RBPMS: variants seen among roughly 807,000 people sequenced by gnomAD.
The protein encoded by RBPMS is RNA-binding protein with multiple splicing.
RBPMS carries 7 observed loss-of-function variants against 26.8 expected under a neutral mutation model. The observed-to-expected ratio is 0.26, with a 90% CI of 0.15 to 0.49. The LOEUF is 0.49. Ranked by LOEUF, RBPMS falls within the 20% of genes least tolerant of loss-of-function variation. The pLI, the probability that RBPMS is intolerant of heterozygous loss-of-function variation, is 0.98. For missense variants in RBPMS, 186 were observed against 250.0 expected (o/e 0.74, Z 1.73); for synonymous variants, 96 against 93.3 (o/e 1.03, Z -0.17).
At chr8:30,523,412 C>A (rs1159958419) in intron 5 of RBPMS, among the ~76,000 whole-genome samples, 1 of 151,222 alleles carries the variant, frequency 6.6e-6, no homozygotes, top group Non-Finnish European at 1.5e-5. Flanking sequence ...TGATGAATTT[C>A]CTGTTTTGTT....
intron 3 of RBPMS, among the ~76,000 whole-genome samples, chr8:30,479,034 T>G (rs1336033420): frequency 6.6e-6 from 1 of 152,228 alleles, no homozygotes; most frequent in African/African-American, 2.4e-5. Context: ...CTCTATTCCC[T>G]TGTTCACTGC....
chr8:30,485,236 G>A (rs753593843), intron 4 of RBPMS, among the ~76,000 whole-genome samples: 2 of 152,196 alleles, frequency 1.3e-5, no homozygotes, highest in Non-Finnish European at 2.9e-5. Context: ...TATTTGTACA[G>A]CTTGTGAGTT....
intron 3 of RBPMS, 89 bp from the exon 4 acceptor site, chr8:30,479,226 C>T: frequency 1.1e-6 from 1 of 933,788 alleles, no homozygotes; most frequent in South Asian, 1.4e-5. Context: ...ATTTCTTTAT[C>T]TTAGCTCTTC....
chr8:30,530,830 A>C (rs1002782685), intron 5 of RBPMS, among the ~76,000 whole-genome samples: 1 of 152,132 alleles, frequency 6.6e-6, no homozygotes, highest in Non-Finnish European at 1.5e-5. Flanking sequence ...AGGTACTACT[A>C]CTACTATTCC....
intron 6 of RBPMS, 26 bp from the exon 7 acceptor site, chr8:30,558,861 C>G (rs1439602938): frequency 1.2e-6 from 2 of 1,607,770 alleles, no homozygotes; most frequent in East Asian, 4.5e-5. Context: ...AGCCCTGGCT[C>G]ACGGCCTTCT....
chr8:30,549,772 T>TCTCTCTCTCTCTCTCTC (rs1554543821), intron 6 of RBPMS, among the ~76,000 whole-genome samples: 1 of 71,210 alleles, frequency 1.4e-5, no homozygotes, highest in African/African-American at 7.5e-5. Flanking sequence ...TTTTCTTTTC[T>TCTCTCTCTCTCTCTCTC]TCTCTCTCTC....
chr8:30,431,338 CTTTT>C (rs928888467), intron 1 of RBPMS, among the ~76,000 whole-genome samples: 1 of 140,758 alleles, frequency 7.1e-6, no homozygotes, highest in South Asian at 2.2e-4. Flanking sequence ...TCCTTTCTTT[CTTTT>C]CTTTTTTTTT....
intron 4 of RBPMS, among the ~76,000 whole-genome samples, chr8:30,493,137 C>T (rs1240585120): frequency 6.6e-6 from 1 of 152,188 alleles, no homozygotes; most frequent in Non-Finnish European, 1.5e-5. Context: ...CGACATCAGA[C>T]TGGAATGTCT....
chr8:30,411,653 AC>A (rs1399158389), intron 1 of RBPMS, among the ~76,000 whole-genome samples: 1 of 119,892 alleles, frequency 8.3e-6, no homozygotes, highest in Non-Finnish European at 1.6e-5. Context: ...TGACAGCAAG[AC>A]CCTGTCTCAG....
At chr8:30,523,541 G>A (rs1013298627) in intron 5 of RBPMS, among the ~76,000 whole-genome samples, 1 of 150,894 alleles carries the variant, frequency 6.6e-6, no homozygotes, top group African/African-American at 2.4e-5. Context: ...TTCATTTGGA[G>A]TATCATTTGA....
intron 6 of RBPMS, among the ~76,000 whole-genome samples, chr8:30,549,755 T>TTTTCTTTC (rs1826155928): frequency 1.5e-5 from 2 of 129,506 alleles, no homozygotes; most frequent in African/African-American, 6.5e-5. Flanking sequence ...TCTTTCCTTT[T>TTTTCTTTC]CTTTTCTTTT....
chr8:30,549,621 C>T (rs79052184), intron 6 of RBPMS: 2 of 1,534,718 alleles, frequency 1.3e-6, no homozygotes, highest in Non-Finnish European at 1.8e-6. Context: ...TTAGCTCTCA[C>T]AGGAGGAGGG....
At chr8:30,537,607 CAGTGAAGTGCAGA>C (rs1434036658) in intron 5 of RBPMS, 1 of 456,230 alleles carries the variant, frequency 2.2e-6, no homozygotes, top group Non-Finnish European at 4.4e-6. Flanking sequence ...TGGAGAGAGG[CAGTGAAGTGCAGA>C]AGTGAAGGGT....
intron 1 of RBPMS, among the ~76,000 whole-genome samples, chr8:30,468,272 C>T (rs1038063169): frequency 2.0e-5 from 3 of 152,072 alleles, no homozygotes; most frequent in African/African-American, 7.2e-5. Context: ...GGATAATTTT[C>T]CTGGTAACCA....
intron 1 of RBPMS, among the ~76,000 whole-genome samples, chr8:30,437,383 G>C (rs1481965163): frequency 2.0e-5 from 3 of 151,944 alleles, no homozygotes; most frequent in Non-Finnish European, 4.4e-5. Flanking sequence ...GGCTGGGCGT[G>C]GTGGCTCATG....
At chr8:30,458,723 C>G (rs1025676139) in intron 1 of RBPMS, among the ~76,000 whole-genome samples, 3 of 152,292 alleles carry the variant, frequency 2.0e-5, no homozygotes, top group South Asian at 4.1e-4. Flanking sequence ...GCCTCAGACA[C>G]TGTTTTTTGA....
At chr8:30,413,770 C>T (rs1286932653) in intron 1 of RBPMS, among the ~76,000 whole-genome samples, 1 of 152,116 alleles carries the variant, frequency 6.6e-6, no homozygotes, top group African/African-American at 2.4e-5. Flanking sequence ...TGTGCCACCA[C>T]GCCTGGCTAA....
chr8:30,554,074 C>T (rs930754764), intron 6 of RBPMS, among the ~76,000 whole-genome samples: 1 of 152,228 alleles, frequency 6.6e-6, no homozygotes, highest in Admixed American at 6.5e-5. Context: ...CGGCGCCCTG[C>T]CCAAGCTACT....
intron 1 of RBPMS, among the ~76,000 whole-genome samples, chr8:30,421,612 C>T (rs1218318470): frequency 6.6e-6 from 1 of 152,080 alleles, no homozygotes; most frequent in African/African-American, 2.4e-5. Context: ...AATGTCATAT[C>T]CTCACATGTT....
Sources: gnomAD v4.1 joint callset for allele counts (sites outside exome capture counted in the v4.1 genomes callset) on GRCh38, gnomAD v4.1.1 for gene constraint, MANE v1.5 for transcripts, NCBI Gene and HGNC (gene_info 2026-07-23, HGNC 2026-07-21) for gene names.